The following FNTB variants were observed in gnomAD, a reference collection of about 807,000 sequenced individuals.
FNTB encodes the protein farnesyltransferase, CAAX box, subunit beta.
Under a neutral mutation model 59.4 loss-of-function variants are expected in FNTB, and 27 were observed. The observed-to-expected ratio is 0.45, with a 90% CI of 0.34 to 0.63. The LOEUF (loss-of-function observed/expected upper bound fraction) is 0.63, where lower values mean the gene tolerates loss of function less well. Among genes scored for constraint, FNTB ranks in the 20% least tolerant of loss-of-function variants. The pLI, the probability that FNTB is intolerant of heterozygous loss-of-function variation, is 0.02. For synonymous variants in FNTB, 230 were observed against 220.7 expected (o/e 1.04, Z -0.37); for missense variants, 449 against 559.6 (o/e 0.80, Z 1.99).
rs1185538822 is a variant in FNTB, at chr14:65,060,553, G to A, written c.1183-628G>A. On this transcript the variant is annotated intron_variant, in intron 11 of 11. Coordinates refer to ENST00000246166, the MANE Select transcript of FNTB (RefSeq NM_002028.4). ...CTACTAAAAATACAAAAAATTAGCC[G>A]GGCGTAGTGGCGGGCGCCTGTAGTC... 1.2e-4 allele frequency among the ~76,000 whole-genome samples: 15 copies of A among 127,652 alleles called. 1 individual carries two copies. The highest frequency in any genetic ancestry group is 2.5e-4 in the South Asian group (1 of 3,934). The allele number at this position is 127,652 out of a possible 152,430, so 83.7% of individuals were successfully genotyped here.
chr14:65,039,824 G>C (rs2062304828), intron 7 of FNTB, among the ~76,000 whole-genome samples: 1 of 152,066 alleles, frequency 6.6e-6, no homozygotes, highest in African/African-American at 2.4e-5. Flanking sequence ...TAGTATACAG[G>C]TTCATTATAA....
chr14:64,994,399 CAGT>C lies in FNTB; in HGVS notation c.144+7305_144+7307del. 6.6e-6 allele frequency among the ~76,000 whole-genome samples: 1 copy of C among 152,110 alleles called. No homozygotes were observed. Among genetic ancestry groups the C allele is most frequent in the East Asian group, 1.9e-4 (1 of 5,202 alleles). On this transcript the variant is annotated intron_variant, in intron 1 of 11. Transcript: ENST00000246166. This position sits in a 1 kb window ranked among gnomAD's most constrained non-coding sequence, Gnocchi z 4.2. ...TCACTTAACAGTAGAAATACATTGTCAGTAGGAAATTTCCTTGTCATGTGAACA... is the reference window on the plus strand; with the variant it reads ...TCACTTAACAGTAGAAATACATTGTCAGGAAATTTCCTTGTCATGTGAACA...
At chr14:65,004,998 T>G (rs546986376) in intron 2 of FNTB, among the ~76,000 whole-genome samples, 9 of 152,294 alleles carry the variant, frequency 5.9e-5, no homozygotes, top group Non-Finnish European at 1.2e-4. Flanking sequence ...TTTGAAACAT[T>G]TAGAGTCCAG....
At chr14:65,017,932 G>T (rs1298646556) in intron 4 of FNTB, among the ~76,000 whole-genome samples, 1 of 152,008 alleles carries the variant, frequency 6.6e-6, no homozygotes, top group Non-Finnish European at 1.5e-5. Flanking sequence ...TCCAGTCCGG[G>T]CAACAGAGTG....
chr14:65,027,339 C>T lies in FNTB; in HGVS notation c.375-114C>T. On this transcript the variant is annotated intron_variant, in intron 4 of 11. Coordinates refer to ENST00000246166, the MANE Select transcript of FNTB (RefSeq NM_002028.4). The surrounding 1 kb of genome is among the most constrained non-coding windows in gnomAD (Gnocchi z 5.7). ...TCAACAAGTGGGAGGAGAGGTTCCCCTCAACTTTTGAGGGAGTGGGGGATC... is the reference window on the plus strand; with the variant it reads ...TCAACAAGTGGGAGGAGAGGTTCCCTTCAACTTTTGAGGGAGTGGGGGATC... 7 of 1,521,822 alleles carry T rather than the reference C, an allele frequency of 4.6e-6. No homozygotes were observed. The highest frequency in any genetic ancestry group is 6.2e-6 in the Non-Finnish European group (7 of 1,129,560). 94.3% of individuals were successfully genotyped at this position (1,521,822 alleles called of 1,614,324 possible).
At position 65,054,992 on chromosome 14, in the gene FNTB, G is replaced by A. The variant is rs1402751389; in HGVS notation, c.1182+303G>A. Among the ~76,000 whole-genome samples, 2 of 152,176 alleles carry A rather than the reference G, an allele frequency of 1.3e-5. No homozygotes were observed. The highest frequency in any genetic ancestry group is 2.4e-5 in the African/African-American group (1 of 41,458). ...TTCCCCTAGAGGAGGCCACAGTTACGTGTCACTCTGAGGCTGTGAGTCCCA... is the reference window on the plus strand; with the variant it reads ...TTCCCCTAGAGGAGGCCACAGTTACATGTCACTCTGAGGCTGTGAGTCCCA... On this transcript the variant is annotated intron_variant, in intron 11 of 11. Transcript: ENST00000246166. The surrounding 1 kb of genome is among the most constrained non-coding windows in gnomAD (Gnocchi z 4.4).
rs1018329494 is a variant in FNTB, at chr14:64,994,587, G to A, written c.144+7490G>A. On this transcript the variant is annotated intron_variant, in intron 1 of 11. Transcript: ENST00000246166. The surrounding 1 kb of genome is among the most constrained non-coding windows in gnomAD (Gnocchi z 4.2). ...TTGGAACACAATGGTAAATATTTTT[G>A]TATCTAAACATATGTAAATATAGAA... Among the ~76,000 whole-genome samples, 8 of 152,244 alleles carry A rather than the reference G, an allele frequency of 5.3e-5. No individual in the cohort carries two copies. The highest frequency in any genetic ancestry group is 7.2e-5 in the African/African-American group (3 of 41,548).
chr14:65,050,345 T>TA (rs1394473404), intron 9 of FNTB, among the ~76,000 whole-genome samples: 1 of 152,190 alleles, frequency 6.6e-6, no homozygotes, highest in African/African-American at 2.4e-5. Context: ...CCTGTAATCC[T>TA]AGCACTTTGG....
At chr14:65,043,967 G>A (rs1412291397) in intron 8 of FNTB, among the ~76,000 whole-genome samples, 1 of 151,080 alleles carries the variant, frequency 6.6e-6, no homozygotes, top group Admixed American at 6.6e-5. Context: ...TCCAACTTAA[G>A]CCATGTTTAT....
chr14:65,029,073 A>G lies in FNTB; in HGVS notation c.605+1292A>G, dbSNP rs1167163877. 6.6e-6 allele frequency among the ~76,000 whole-genome samples: 1 copy of G among 152,032 alleles called. No homozygotes were observed. The highest frequency in any genetic ancestry group is 1.5e-5 in the Non-Finnish European group (1 of 68,018). On this transcript the variant is annotated intron_variant, in intron 6 of 11. Coordinates refer to ENST00000246166, the MANE Select transcript of FNTB (RefSeq NM_002028.4). The surrounding 1 kb of genome is among the most constrained non-coding windows in gnomAD (Gnocchi z 4.7). Reference sequence around the variant, plus strand: ...TAGATAAATGCTAGGAAACTTCTCCAGTAAGGCAGCTTGGTTCCCCTGCCA... The same window carrying G: ...TAGATAAATGCTAGGAAACTTCTCCGGTAAGGCAGCTTGGTTCCCCTGCCA...
Position 65,033,737 on chromosome 14 carries a change from G to A in FNTB, c.692+1041G>A, listed in dbSNP as rs188487308. On this transcript the variant is annotated intron_variant, in intron 7 of 11. Coordinates refer to ENST00000246166, the MANE Select transcript of FNTB (RefSeq NM_002028.4). ...CTGGGCATGGTGGCGGGCGCCTGTA[G>A]TCCCAGCTACTCGGGAAGCTGAGGC... Among the ~76,000 whole-genome samples, 243 of 152,212 alleles carry A rather than the reference G, an allele frequency of 1.6e-3. 1 individual carries two copies. Among genetic ancestry groups the A allele is most frequent in the African/African-American group, 5.8e-3 (242 of 41,546 alleles).
In FNTB at chr14:65,054,760, C is replaced by G. The variant is rs751560364; in HGVS notation, c.1182+71C>G. ...GCGGACAGAAGGCTTTCCAAGTAAG[C>G]AGAACTGGCTCTGCATTTCCTGTGT... is the stretch of plus-strand genomic sequence containing the variant. On this transcript the variant is annotated intron_variant, in intron 11 of 11. Transcript: ENST00000246166. The surrounding 1 kb of genome is among the most constrained non-coding windows in gnomAD (Gnocchi z 4.4). 3.0e-5 allele frequency: 44 copies of G among 1,485,308 alleles called. No homozygotes were observed. Among genetic ancestry groups the G allele is most frequent in the Non-Finnish European group, 4.0e-5 (44 of 1,089,696 alleles). The allele number at this position is 1,485,308 out of a possible 1,614,324, so 92.0% of individuals were successfully genotyped here. A position where few individuals can be genotyped will look rare whatever the true frequency, so the allele number is the denominator to read the frequency against.
At chr14:65,005,638 C>CTTG (rs1411306285) in intron 2 of FNTB, among the ~76,000 whole-genome samples, 8 of 150,978 alleles carry the variant, frequency 5.3e-5, no homozygotes, top group African/African-American at 1.7e-4. Context: ...CCTGTCCGGT[C>CTTG]CTGCCCTGCC....
At chr14:64,993,037 G>T (rs1195485274) in intron 1 of FNTB, among the ~76,000 whole-genome samples, 1 of 152,030 alleles carries the variant, frequency 6.6e-6, no homozygotes, top group Non-Finnish European at 1.5e-5. Flanking sequence ...GGGTTTCCCT[G>T]TGTTGCCCAG....
In FNTB at chr14:64,991,849, A is replaced by G. The variant is rs1392310995; in HGVS notation, c.144+4752A>G. Among the ~76,000 whole-genome samples, 1 of 152,122 alleles carries G rather than the reference A, an allele frequency of 6.6e-6. No individual in the cohort carries two copies. Among genetic ancestry groups the G allele is most frequent in the Admixed American group, 6.5e-5 (1 of 15,272 alleles). Reference sequence around the variant, plus strand: ...ACTGGGGGCGTTAAGATGGCTTACCAGGAACGGAGGGTGCAGGTTGGATGT... The same window carrying G: ...ACTGGGGGCGTTAAGATGGCTTACCGGGAACGGAGGGTGCAGGTTGGATGT... On this transcript the variant is annotated intron_variant, in intron 1 of 11. Transcript: ENST00000246166. The surrounding 1 kb of genome is among the most constrained non-coding windows in gnomAD (Gnocchi z 4.4).
intron 11 of FNTB, among the ~76,000 whole-genome samples, chr14:65,058,098 G>C (rs1398419582): frequency 6.7e-6 from 1 of 148,288 alleles, no homozygotes; most frequent in African/African-American, 2.7e-5. Flanking sequence ...TAGATTAATA[G>C]GAGAGAACCA....
intron 9 of FNTB, among the ~76,000 whole-genome samples, chr14:65,049,959 A>G (rs942392463): frequency 3.9e-5 from 6 of 152,166 alleles, no homozygotes; most frequent in African/African-American, 1.2e-4. Flanking sequence ...TAGTATGATT[A>G]CAATATTAAG....
At position 65,054,472 on chromosome 14, in the gene FNTB, G is replaced by C. The variant is rs1231279251; in HGVS notation, c.1068-103G>C. Reference sequence around the variant, plus strand: ...CTCCTCTAGCCACATGGAGGATGGGGGGGGACGTGTGATTGCACCAGTGGT... The same window carrying C: ...CTCCTCTAGCCACATGGAGGATGGGCGGGGACGTGTGATTGCACCAGTGGT... On this transcript the variant is annotated intron_variant, in intron 10 of 11. Coordinates refer to ENST00000246166, the MANE Select transcript of FNTB (RefSeq NM_002028.4). The surrounding 1 kb of genome is among the most constrained non-coding windows in gnomAD (Gnocchi z 4.4). The C allele has an allele frequency of 1.7e-6, 2 of 1,172,270 alleles. No individual in the cohort carries two copies. Among genetic ancestry groups the C allele is most frequent in the Non-Finnish European group, 1.2e-6 (1 of 822,228 alleles). The allele number at this position is 1,172,270 out of a possible 1,614,324, so 72.6% of individuals were successfully genotyped here.
In FNTB at chr14:65,030,764, T is replaced by C. The variant is rs2062065784; in HGVS notation, c.606-1846T>C. Among the ~76,000 whole-genome samples, 2 of 151,724 alleles carry C rather than the reference T, an allele frequency of 1.3e-5. No individual in the cohort carries two copies. The highest frequency in any genetic ancestry group is 2.1e-4 in the South Asian group (1 of 4,794). On this transcript the variant is annotated intron_variant, in intron 6 of 11. Transcript: ENST00000246166. The surrounding 1 kb of genome is among the most constrained non-coding windows in gnomAD (Gnocchi z 4.5). ...TAAAAAAAAAAAAGAAGATGGAAAC[T>C]AGGCCCTTCTTTTATGTTTCTTAGG...
Sources: allele counts gnomAD v4.1 joint callset (sites outside exome capture counted in the v4.1 genomes callset), GRCh38; gene constraint gnomAD v4.1.1; non-coding constraint Gnocchi (gnomAD v3.1); transcripts MANE v1.5; gene names NCBI Gene and HGNC (gene_info 2026-07-23, HGNC 2026-07-21).